Variants in PDE3B observed in about 807,000 individuals in gnomAD.
The protein encoded by PDE3B is cGMP-inhibited 3',5'-cyclic phosphodiesterase 3B.
A neutral mutation model predicts 116.8 loss-of-function variants in PDE3B; 66 were observed. The ratio of observed to expected loss-of-function variants is 0.56; its 90% CI spans 0.46 to 0.69. The LOEUF (loss-of-function observed/expected upper bound fraction) is 0.69. PDE3B is among the 30% of genes least tolerant of loss of function. The pLI is 0.00. For missense variants in PDE3B, 1,384 were observed against 1,368.1 expected, an observed-to-expected ratio of 1.01 and a Z score of -0.18; for synonymous variants, 595 against 533.6, an observed-to-expected ratio of 1.12 and a Z score of -1.59.
At chr11:14,832,583 G>A in intron 9 of PDE3B, 139 bp from the exon 10 acceptor site, 1 of 404,682 alleles carries the variant, frequency 2.5e-6, no homozygotes, top group Non-Finnish European at 4.5e-6. Flanking sequence ...ATTAATTGTA[G>A]GCAAGTTTTA....
At chr11:14,712,413 A>G (rs1026587110) in intron 1 of PDE3B, among the ~76,000 whole-genome samples, 2 of 129,716 alleles carry the variant, frequency 1.5e-5, no homozygotes, top group African/African-American at 6.0e-5. Flanking sequence ...TGCGTTAAAT[A>G]TTTACATTTT....
At chr11:14,787,764 A>G (rs1177261240) in intron 3 of PDE3B, among the ~76,000 whole-genome samples, 2 of 151,896 alleles carry the variant, frequency 1.3e-5, no homozygotes, top group East Asian at 1.9e-4. Context: ...GTTAATCACA[A>G]GCATTCAGAG....
chr11:14,743,969 T>A (rs1337810797), intron 1 of PDE3B, among the ~76,000 whole-genome samples: 3 of 152,190 alleles, frequency 2.0e-5, no homozygotes, highest in Non-Finnish European at 4.4e-5. Flanking sequence ...TCTGCATTGA[T>A]CTCTCTGGGA....
chr11:14,844,235 TAGAC>T lies in PDE3B; in HGVS notation c.2520+212_2520+215del, dbSNP rs562812196. Among the ~76,000 whole-genome samples, 7 of 152,338 alleles carry T rather than the reference TAGAC, an allele frequency of 4.6e-5. No individual in the cohort carries two copies. In the East Asian group the frequency reaches 1.2e-3, roughly 25 times the overall value. On this transcript the variant is annotated intron_variant, in intron 12 of 15. Transcript: ENST00000282096. ...ATCAACTTCTTGAACTAGAAAATAA[TAGAC>T]AGTTTTTGAAACAACTCATTGTTTT...
In PDE3B at chr11:14,864,807, T is replaced by C. The variant is rs368897482; in HGVS notation, c.2887-2699T>C. ...TTAAGGCAGAAATAAATAGACACAA[T>C]GTACCAGAATCTCTGGGACACAGCT... On this transcript the variant is annotated intron_variant, in intron 14 of 15. Coordinates refer to ENST00000282096, the MANE Select transcript of PDE3B (RefSeq NM_000922.4). Among the ~76,000 whole-genome samples the C allele has an allele frequency of 5.3e-5, 8 of 151,988 alleles. No homozygotes were observed. In the South Asian group the frequency reaches 1.7e-3, roughly 32 times the overall value.
At chr11:14,815,354 G>A (rs1377056322) in intron 5 of PDE3B, among the ~76,000 whole-genome samples, 1 of 152,098 alleles carries the variant, frequency 6.6e-6, no homozygotes, top group Admixed American at 6.6e-5. Context: ...AAAACAAGAT[G>A]TTGGCTCTAC....
Position 14,871,543 on chromosome 11 carries a change from ACTGT to A in PDE3B, c.*1888_*1891del, listed in dbSNP as rs1353939659. The A allele has an allele frequency of 1.3e-5, 2 of 152,074 alleles. No individual in the cohort carries two copies. Among genetic ancestry groups the A allele is most frequent in the African/African-American group, 4.8e-5 (2 of 41,426 alleles). 9.4% of individuals were successfully genotyped at this position (152,074 alleles called of 1,614,324 possible). A position where few individuals can be genotyped will look rare whatever the true frequency, so the allele number is the denominator to read the frequency against. The stretch of plus-strand genomic sequence containing the variant: ...TATTGAGATTGAATCACATTTCCAT[ACTGT>A]CTGTTATTTTATTGGGTTTTATATT... On this transcript the variant is annotated 3_prime_UTR_variant, in exon 16 of 16. Transcript: ENST00000282096.
chr11:14,824,983 C>G (rs1301183394), intron 7 of PDE3B, among the ~76,000 whole-genome samples: 5 of 149,464 alleles, frequency 3.3e-5, no homozygotes, highest in African/African-American at 5.0e-5. Context: ...ATTCAACATT[C>G]TTAAAAAAAA....
At chr11:14,751,158 C>G (rs901810280) in intron 1 of PDE3B, among the ~76,000 whole-genome samples, 2 of 152,086 alleles carry the variant, frequency 1.3e-5, no homozygotes, top group African/African-American at 4.8e-5. Context: ...TGGCACTGTT[C>G]TGTGAATTCA....
At chr11:14,739,615 C>G (rs1368134936) in intron 1 of PDE3B, among the ~76,000 whole-genome samples, 4 of 152,208 alleles carry the variant, frequency 2.6e-5, no homozygotes, top group Admixed American at 6.5e-5. Context: ...GCGTGATTGC[C>G]CTGGCCAGAA....
intron 1 of PDE3B, among the ~76,000 whole-genome samples, chr11:14,695,036 T>G (rs1377968178): frequency 6.6e-6 from 1 of 152,186 alleles, no homozygotes; most frequent in Non-Finnish European, 1.5e-5. Flanking sequence ...GAAGAAATCT[T>G]TGTTCACCCT....
chr11:14,736,111 C>G (rs1856591455), intron 1 of PDE3B, among the ~76,000 whole-genome samples: 1 of 152,084 alleles, frequency 6.6e-6, no homozygotes, highest in Non-Finnish European at 1.5e-5. Context: ...GCCTTTGATC[C>G]AGGCTGGAGG....
the PDE3B span, chr11:14,879,463 C>T: frequency 6.4e-7 from 1 of 1,568,538 alleles, no homozygotes; most frequent in Admixed American, 1.7e-5. Context: ...AAAAAGTATT[C>T]AAGTTATTAT....
At chr11:14,768,055 T>C (rs1857544578) in intron 1 of PDE3B, among the ~76,000 whole-genome samples, 1 of 151,420 alleles carries the variant, frequency 6.6e-6, no homozygotes. Context: ...AAGCATGCTT[T>C]AGAACCTACC....
At chr11:14,783,179 A>G (rs564525426) in intron 2 of PDE3B, among the ~76,000 whole-genome samples, 8 of 152,372 alleles carry the variant, frequency 5.3e-5, no homozygotes, top group Middle Eastern at 3.4e-3. Context: ...AACTAGTTCA[A>G]CCATTGTGGA....
chr11:14,705,201 C>T (rs572395484), intron 1 of PDE3B, among the ~76,000 whole-genome samples: 1 of 151,874 alleles, frequency 6.6e-6, no homozygotes, highest in South Asian at 2.1e-4. Context: ...ACAAAAATTT[C>T]GTCATGCATG....
At chr11:14,876,258 T>G (rs965685581), downstream of PDE3B, among the ~76,000 whole-genome samples, 3 of 152,120 alleles carry the variant, frequency 2.0e-5, no homozygotes, top group African/African-American at 4.8e-5. Context: ...GGCTCACACC[T>G]GTAATCCCAG....
At chr11:14,873,455 T>C (rs1322277831), downstream of PDE3B, among the ~76,000 whole-genome samples, 1 of 152,166 alleles carries the variant, frequency 6.6e-6, no homozygotes, top group Non-Finnish European at 1.5e-5. Context: ...TACAGAGTTA[T>C]GGTTTAAGAT....
chr11:14,825,596 A>G (rs983079520), intron 7 of PDE3B, among the ~76,000 whole-genome samples: 9 of 152,324 alleles, frequency 5.9e-5, no homozygotes, highest in Admixed American at 5.9e-4. Context: ...AACTATTCTA[A>G]ATATGTATTC....
Sources: gnomAD v4.1 joint callset for allele counts (sites outside exome capture counted in the v4.1 genomes callset) on GRCh38, gnomAD v4.1.1 for gene constraint, MANE v1.5 for transcripts, NCBI Gene and HGNC (gene_info 2026-07-23, HGNC 2026-07-21) for gene names.